PPP2R3B: variants seen among roughly 807,000 people sequenced by gnomAD.
The protein encoded by PPP2R3B is serine/threonine-protein phosphatase 2A regulatory subunit B'' subunit beta.
In PPP2R3B, 68 loss-of-function variants were observed where a neutral mutation model predicts 72.9. The ratio of observed to expected loss-of-function variants is 0.93; its 90% confidence interval spans 0.77 to 1.14. PPP2R3B has a LOEUF of 1.14. PPP2R3B is among the 50% of genes most tolerant of loss of function. PPP2R3B has a pLI of 0.00. For synonymous variants in PPP2R3B, 466 were observed against 375.8 expected, an observed-to-expected ratio of 1.24 and a Z score of -2.78; for missense variants, 1,018 against 842.0, an observed-to-expected ratio of 1.21 and a Z score of -2.59.
intron 3 of PPP2R3B, 81 bp downstream of exon 3, chrX:347,509 G>A: frequency 2.1e-6 from 3 of 1,455,422 alleles, no homozygotes; most frequent in Non-Finnish European, 2.8e-6. Context: ...GCAGCCTCAG[G>A]GGGCACCCGT....
chrX:335,545 A>AC (rs2070866536), intron 12 of PPP2R3B: 1 of 152,184 alleles, frequency 6.6e-6, no homozygotes, highest in Non-Finnish European at 1.5e-5. Context: ...CGTCCATGGA[A>AC]CCCATGGGTC....
intron 2 of PPP2R3B, 88 bp downstream of exon 2, chrX:361,317 G>T: frequency 6.8e-7 from 1 of 1,469,818 alleles, no homozygotes; most frequent in Non-Finnish European, 9.4e-7. Context: ...ACGCTCGTGT[G>T]ACACGCACCC....
At chrX:361,656 A>G in intron 1 of PPP2R3B, 66 bp from the exon 2 acceptor site, 1 of 1,578,174 alleles carries the variant, frequency 6.3e-7, no homozygotes, top group East Asian at 2.2e-5. Context: ...TCACCCGGAC[A>G]ACACACGGGG....
At chrX:354,249 GGGGCTC>G (rs2071397161) in intron 2 of PPP2R3B, among the ~76,000 whole-genome samples, 1 of 149,510 alleles carries the variant, frequency 6.7e-6, no homozygotes, top group African/African-American at 2.5e-5. Flanking sequence ...CCAAACACTG[GGGGCTC>G]ACCCAAACAC....
At chrX:368,672 G>C (rs750930622) in intron 1 of PPP2R3B, among the ~76,000 whole-genome samples, 1 of 89,572 alleles carries the variant, frequency 1.1e-5, no homozygotes, top group African/African-American at 5.1e-5. Flanking sequence ...GGCACCGACC[G>C]GGGGAAGGCC....
chrX:338,524 GT>G (rs2070952852), intron 12 of PPP2R3B, 79 bp downstream of exon 12: 1 of 406,960 alleles, frequency 2.5e-6, no homozygotes, highest in Admixed American at 5.9e-5. Context: ...ACACACACCC[GT>G]CCTCCCACTC....
chrX:341,258 G>C, intron 9 of PPP2R3B, 49 bp downstream of exon 9: 1 of 1,596,090 alleles, frequency 6.3e-7, no homozygotes, highest in Non-Finnish European at 8.6e-7. Context: ...CACATGGGCG[G>C]CTCCCGGCCC....
intron 1 of PPP2R3B, among the ~76,000 whole-genome samples, chrX:371,885 C>T (rs955327174): frequency 4.0e-5 from 6 of 150,870 alleles, no homozygotes; most frequent in South Asian, 2.1e-4. Context: ...GCATTTCACA[C>T]GTCTGTCCTC....
chrX:347,195 G>A lies in PPP2R3B; in HGVS notation c.717+39C>T, dbSNP rs200567608. On this transcript the variant is annotated intron_variant, in intron 4 of 12. Transcript: ENST00000390665. Reference sequence around the variant, plus strand: ...ATGCGGTGTAGACGCGGGCCCTCCCGTGAAGGATAAGGCCTGTGGTGTAGA... The same window carrying A: ...ATGCGGTGTAGACGCGGGCCCTCCCATGAAGGATAAGGCCTGTGGTGTAGA... 4.8e-3 allele frequency: 7,281 copies of A among 1,506,390 alleles called. 315 individuals carry two copies. The African/African-American group carries it at 0.088, about 18-fold the overall frequency. 93.3% of individuals were successfully genotyped at this position (1,506,390 alleles called of 1,614,324 possible).
intron 2 of PPP2R3B, among the ~76,000 whole-genome samples, chrX:354,935 G>A (rs769983072): frequency 2.0e-4 from 30 of 152,336 alleles, no homozygotes; most frequent in African/African-American, 6.7e-4. Flanking sequence ...AGGCAGGGCC[G>A]CTGCGTCACG....
In PPP2R3B at chrX:385,520, C is replaced by G. The variant is rs142998681; in HGVS notation, c.324+848G>C. 9.0e-3 allele frequency among the ~76,000 whole-genome samples: 1,372 copies of G among 151,930 alleles called. 25 individuals carry two copies. The highest frequency in any genetic ancestry group is 0.031 in the African/African-American group (1,287 of 41,462). On this transcript the variant is annotated intron_variant, in intron 1 of 12. Coordinates refer to ENST00000390665, the MANE Select transcript of PPP2R3B (RefSeq NM_013239.5). ...TTCTATGAAATAAATGGCGTTTCTTCTAAGAAATACAGTGGGATTTTGGGA... is the reference window on the plus strand; with the variant it reads ...TTCTATGAAATAAATGGCGTTTCTTGTAAGAAATACAGTGGGATTTTGGGA...
chrX:375,990 G>A (rs1210113787), intron 1 of PPP2R3B, among the ~76,000 whole-genome samples: 1 of 152,116 alleles, frequency 6.6e-6, no homozygotes, highest in African/African-American at 2.4e-5. Context: ...TCAGGAGTTC[G>A]AGACCAGCCA....
intron 7 of PPP2R3B, among the ~76,000 whole-genome samples, chrX:344,179 G>A (rs2071142990): frequency 9.2e-6 from 1 of 108,538 alleles, no homozygotes; most frequent in African/African-American, 3.1e-5. Context: ...CCTCACCAAC[G>A]GGAGGCGGGA....
rs1187781428 is a variant in PPP2R3B, at chrX:341,098, C to G, written c.1176-158G>C. On this transcript the variant is annotated intron_variant, in intron 9 of 12. Coordinates refer to ENST00000390665, the MANE Select transcript of PPP2R3B (RefSeq NM_013239.5). ...ATCCCCTGCCCCCTGCCGCCCCCAC[C>G]GGGCGCGCACGCGTCCCCCTGTGCC... is the stretch of plus-strand genomic sequence containing the variant. 5.9e-6 allele frequency: 4 copies of G among 677,488 alleles called. No individual in the cohort carries two copies. In the Admixed American group the frequency reaches 2.6e-4, roughly 43 times the overall value. 42.0% of individuals were successfully genotyped at this position (677,488 alleles called of 1,614,324 possible). A position where few individuals can be genotyped will look rare whatever the true frequency, so the allele number is the denominator to read the frequency against.
chrX:376,875 A>G (rs57295820), intron 1 of PPP2R3B, among the ~76,000 whole-genome samples: 2 of 84,030 alleles, frequency 2.4e-5, no homozygotes, highest in African/African-American at 4.9e-5. Flanking sequence ...ACACTACTGT[A>G]TGCAGGGACG....
intron 1 of PPP2R3B, among the ~76,000 whole-genome samples, chrX:384,780 T>TA (rs1415470692): frequency 6.6e-6 from 1 of 150,696 alleles, no homozygotes; most frequent in Non-Finnish European, 1.5e-5. Context: ...AGGTCAGGAG[T>TA]TTGAGACCAG....
intron 2 of PPP2R3B, 47 bp from the exon 3 acceptor site, chrX:347,740 C>A: frequency 7.1e-7 from 1 of 1,404,246 alleles, no homozygotes. Flanking sequence ...GCCTGGACGC[C>A]GGCGCTCCTG....
At chrX:367,404 G>A (rs2071743812) in intron 1 of PPP2R3B, among the ~76,000 whole-genome samples, 1 of 150,716 alleles carries the variant, frequency 6.6e-6, no homozygotes, top group South Asian at 2.1e-4. Context: ...TTAATATTGG[G>A]CTTTGAAAAA....
intron 1 of PPP2R3B, among the ~76,000 whole-genome samples, chrX:375,560 G>A (rs1287192739): frequency 6.7e-6 from 1 of 150,254 alleles, no homozygotes. Context: ...GATGCGGGGC[G>A]CAAACTCACA....
Sources: allele counts gnomAD v4.1 joint callset (sites outside exome capture counted in the v4.1 genomes callset), GRCh38; gene constraint gnomAD v4.1.1; transcripts MANE v1.5; gene names NCBI Gene and HGNC (gene_info 2026-07-23, HGNC 2026-07-21).